HOOK3: variants seen among roughly 807,000 people sequenced by gnomAD.
HOOK3 encodes the protein protein Hook homolog 3.
In HOOK3, 24 loss-of-function variants were observed where a neutral mutation model predicts 116.3. The ratio of observed to expected loss-of-function variants is 0.21; its 90% CI spans 0.15 to 0.29. The LOEUF is 0.29. HOOK3 is among the 10% of genes least tolerant of loss of function. The probability of loss-of-function intolerance (pLI) is 1.00; values close to 1 mark genes in which losing one functional copy is unlikely to be tolerated. For missense variants in HOOK3, 632 were observed against 830.2 expected (o/e 0.76, Z 2.93); for synonymous variants, 275 against 283.0 (o/e 0.97, Z 0.28).
Position 42,943,312 on chromosome 8 carries a change from G to C in HOOK3, c.268-1G>C. The C allele has an allele frequency of 2.1e-6, 3 of 1,462,478 alleles. No individual in the cohort carries two copies. Among genetic ancestry groups the C allele is most frequent in the Non-Finnish European group, 2.7e-6 (3 of 1,097,166 alleles). 90.6% of individuals were successfully genotyped at this position (1,462,478 alleles called of 1,614,324 possible). On this transcript the variant is annotated splice_acceptor_variant, in intron 4 of 21. Coordinates refer to ENST00000307602, the MANE Select transcript of HOOK3 (RefSeq NM_032410.4). LOFTEE classifies it high-confidence loss of function. ...ATTATAATCCTTTTATCTCCATTCA[G>C]ATTTTAGGACAGCAAATTAATGACT...
intron 2 of HOOK3, among the ~76,000 whole-genome samples, chr8:42,922,190 A>C (rs191342065): frequency 2.3e-3 from 355 of 152,324 alleles, no homozygotes; most frequent in African/African-American, 8.3e-3. Flanking sequence ...TCGATTAGGC[A>C]GGAGCTTCTT....
chr8:42,935,390 T>G (rs1807948165), intron 4 of HOOK3, among the ~76,000 whole-genome samples: 2 of 152,188 alleles, frequency 1.3e-5, no homozygotes, highest in African/African-American at 4.8e-5. Context: ...GGCTCTTTAG[T>G]TTTCTTAGAT....
At chr8:42,951,808 G>A (rs1052544842) in intron 6 of HOOK3, among the ~76,000 whole-genome samples, 1 of 152,020 alleles carries the variant, frequency 6.6e-6, no homozygotes, top group East Asian at 1.9e-4. Flanking sequence ...GGGCATGGTG[G>A]CACATGCCTG....
At chr8:42,933,247 A>G (rs544490142) in intron 4 of HOOK3, among the ~76,000 whole-genome samples, 4 of 152,354 alleles carry the variant, frequency 2.6e-5, no homozygotes, top group African/African-American at 9.6e-5. Context: ...GTGAGATTGT[A>G]TATGCCATAT....
Position 43,010,388 on chromosome 8 carries a change from T to C in HOOK3, c.1822T>C (p.Leu608=). ...KQMEERYKKY[L]EKAKSVIRTL... ...AATGGAAGAACGATACAAAAAATAC[T>C]TAGAGAAAGCCAAAAGTGTAAGTAT... The change falls in exon 19 of 22, where the codon TTA becomes CTA. Residue 608 remains leucine (L), a synonymous_variant. Transcript: ENST00000307602. The C allele has an allele frequency of 1.4e-6, 2 of 1,445,356 alleles. No individual in the cohort carries two copies. The highest frequency in any genetic ancestry group is 1.9e-6 in the Non-Finnish European group (2 of 1,078,870). The allele number at this position is 1,445,356 out of a possible 1,614,324, so 89.5% of individuals were successfully genotyped here.
chr8:42,909,530 C>G (rs992059079), intron 2 of HOOK3, among the ~76,000 whole-genome samples: 5 of 152,178 alleles, frequency 3.3e-5, no homozygotes, highest in African/African-American at 1.2e-4. Flanking sequence ...GTGGATTGAC[C>G]AGGGCTCACT....
At chr8:42,940,871 C>T (rs898601677) in intron 4 of HOOK3, among the ~76,000 whole-genome samples, 2 of 152,152 alleles carry the variant, frequency 1.3e-5, no homozygotes, top group African/African-American at 2.4e-5. Context: ...TTCTCCCTGT[C>T]GGTTTCAGGT....
In HOOK3 at chr8:42,979,231, C is replaced by T. The variant is rs574314377; in HGVS notation, c.1322-3396C>T. On this transcript the variant is annotated intron_variant, in intron 13 of 21. Coordinates refer to ENST00000307602, the MANE Select transcript of HOOK3 (RefSeq NM_032410.4). ...AGGTTACAGTGAGCCAAAATTGTGC[C>T]GGTTCACTCCAGCATAGGTGACCGA... is the stretch of plus-strand genomic sequence containing the variant. 7.2e-5 allele frequency among the ~76,000 whole-genome samples: 11 copies of T among 152,246 alleles called. No homozygotes were observed. In the South Asian group the frequency reaches 8.3e-4, roughly 11 times the overall value.
At chr8:42,933,544 C>A (rs1400553581) in intron 4 of HOOK3, among the ~76,000 whole-genome samples, 1 of 152,162 alleles carries the variant, frequency 6.6e-6, no homozygotes, top group South Asian at 2.1e-4. Context: ...TTGCCTTTCA[C>A]CCTCCTTCTG....
intron 2 of HOOK3, among the ~76,000 whole-genome samples, chr8:42,913,411 C>T (rs1256436499): frequency 6.6e-6 from 1 of 152,140 alleles, no homozygotes; most frequent in Non-Finnish European, 1.5e-5. Flanking sequence ...TGTGACTCTT[C>T]TTTCATGTAG....
At chr8:42,902,194 T>TA (rs1001197604) in intron 1 of HOOK3, among the ~76,000 whole-genome samples, 26 of 152,168 alleles carry the variant, frequency 1.7e-4, no homozygotes, top group African/African-American at 5.8e-4. Flanking sequence ...ATGAACTTGT[T>TA]AAAAATAGAT....
chr8:43,001,308 G>A (rs1809376502), intron 16 of HOOK3, among the ~76,000 whole-genome samples: 1 of 152,090 alleles, frequency 6.6e-6, no homozygotes, highest in Non-Finnish European at 1.5e-5. Context: ...AAAGAACTTA[G>A]TGTGAGGGTT....
chr8:42,996,143 T>A lies in HOOK3; in HGVS notation c.1533-1407T>A, dbSNP rs190318655. On this transcript the variant is annotated intron_variant, in intron 15 of 21. Coordinates refer to ENST00000307602, the MANE Select transcript of HOOK3 (RefSeq NM_032410.4). ...GCTCATGCCTGTAATCCCAGCACTT[T>A]GGGAGGCCGAGGCAGGTGGATCACC... 4.6e-3 allele frequency among the ~76,000 whole-genome samples: 706 copies of A among 152,148 alleles called. 8 individuals carry two copies. The highest frequency in any genetic ancestry group is 0.016 in the African/African-American group (672 of 41,518).
chr8:42,939,051 A>G (rs1006794001), intron 4 of HOOK3, among the ~76,000 whole-genome samples: 3 of 152,218 alleles, frequency 2.0e-5, no homozygotes, highest in Non-Finnish European at 4.4e-5. Context: ...ACAGATCAAC[A>G]GGATCCCAAG....
intron 15 of HOOK3, 47 bp from the exon 16 acceptor site, chr8:42,997,503 C>A: frequency 8.8e-7 from 1 of 1,138,022 alleles, no homozygotes; most frequent in Non-Finnish European, 1.3e-6. Context: ...GGAAAAAAGG[C>A]ATACGTAACT....
At chr8:42,906,975 GATAA>G (rs1807323162) in intron 2 of HOOK3, among the ~76,000 whole-genome samples, 1 of 152,190 alleles carries the variant, frequency 6.6e-6, no homozygotes, top group South Asian at 2.1e-4. Context: ...GAGTATTTGG[GATAA>G]ATAAAGCATA....
chr8:42,939,306 G>A lies in HOOK3; in HGVS notation c.268-4007G>A, dbSNP rs991028521. Among the ~76,000 whole-genome samples the A allele has an allele frequency of 1.8e-4, 28 of 151,948 alleles. No homozygotes were observed. The East Asian group carries it at 3.9e-3, about 21-fold the overall frequency. On this transcript the variant is annotated intron_variant, in intron 4 of 21. Transcript: ENST00000307602. ...CCAGTAGGGGCGGCCGGGCAGAGGC[G>A]CCCCTCACCTCCCGGACGGGGCGGC...
rs1809900019 is a variant in HOOK3 at position 43,024,673 on chromosome 8, TTAAA to T, written c.*6179_*6182del. On this transcript the variant is annotated 3_prime_UTR_variant, in exon 22 of 22. Transcript: ENST00000307602. ...TTTATTTTCTATCTATAAAGAATAT[TTAAA>T]TAATAATTGGTGTATGTTCCTTTTG... The T allele has an allele frequency of 5.3e-6, 1 of 188,648 alleles. No individual in the cohort carries two copies. Among genetic ancestry groups the T allele is most frequent in the Non-Finnish European group, 1.1e-5 (1 of 89,572 alleles). 11.7% of individuals were successfully genotyped at this position (188,648 alleles called of 1,614,324 possible).
Position 42,956,670 on chromosome 8 carries a change from C to T in HOOK3, c.469-424C>T, listed in dbSNP as rs950725783. Among the ~76,000 whole-genome samples the T allele has an allele frequency of 4.6e-5, 7 of 152,142 alleles. 1 individual carries two copies. Among genetic ancestry groups the T allele is most frequent in the South Asian group, 4.1e-4 (2 of 4,832 alleles). On this transcript the variant is annotated intron_variant, in intron 6 of 21. Transcript: ENST00000307602. ...CACCATCTCGGCTCACTGCAACCTC[C>T]GCCTCCCAGGTTCAAGTGATTCTAC...
Sources: allele counts gnomAD v4.1 joint callset (sites outside exome capture counted in the v4.1 genomes callset), GRCh38; gene constraint gnomAD v4.1.1; transcripts MANE v1.5; gene names NCBI Gene and HGNC (gene_info 2026-07-23, HGNC 2026-07-21).